Variants in SNCAIP observed in about 807,000 individuals in gnomAD.
SNCAIP encodes the protein synphilin-1.
SNCAIP carries 43 observed loss-of-function variants against 86.7 expected under a neutral mutation model. That is an observed-to-expected ratio of 0.50 (90% confidence interval 0.39 to 0.64). The LOEUF (loss-of-function observed/expected upper bound fraction) is 0.64. Among genes scored for constraint, SNCAIP ranks in the 30% least tolerant of loss-of-function variants. SNCAIP has a pLI of 0.00. For missense variants in SNCAIP, 981 were observed against 1,103.1 expected (o/e 0.89, Z 1.57); for synonymous variants, 417 against 427.2 (o/e 0.98, Z 0.29).
intron 1 of SNCAIP, among the ~76,000 whole-genome samples, chr5:122,335,943 C>T (rs1756355438): frequency 6.6e-6 from 1 of 152,178 alleles, no homozygotes; most frequent in Non-Finnish European, 1.5e-5. Flanking sequence ...TGTAAAAGAA[C>T]CTGGCGATTC....
rs185939911 is a variant in SNCAIP, at chr5:122,345,916, G to C, written c.-47+33632G>C. Reference sequence around the variant, plus strand: ...AACCCTCCTAACTTAACCTCCCAAAGTGTTGGGATTACAGTTGTGAGCCAC... The same window carrying C: ...AACCCTCCTAACTTAACCTCCCAAACTGTTGGGATTACAGTTGTGAGCCAC... On this transcript the variant is annotated intron_variant, in intron 1 of 10. Coordinates refer to ENST00000261368, the MANE Select transcript of SNCAIP (RefSeq NM_005460.4). 5.3e-5 allele frequency among the ~76,000 whole-genome samples: 8 copies of C among 152,070 alleles called. No homozygotes were observed. In the East Asian group the frequency reaches 1.4e-3, roughly 26 times the overall value.
At chr5:122,445,058 G>C (rs1056417090) in intron 8 of SNCAIP, 3 of 381,886 alleles carry the variant, frequency 7.9e-6, no homozygotes, top group Admixed American at 7.6e-5. Context: ...GCACTCATAG[G>C]CATCATCTCC....
chr5:122,353,146 T>C (rs1231845489), intron 1 of SNCAIP, among the ~76,000 whole-genome samples: 1 of 152,120 alleles, frequency 6.6e-6, no homozygotes, highest in African/African-American at 2.4e-5. Flanking sequence ...CCAGAAGGAA[T>C]TAAAAATTAC....
chr5:122,422,800 A>G, intron 3 of SNCAIP, 68 bp from the exon 4 acceptor site: 1 of 1,297,928 alleles, frequency 7.7e-7, no homozygotes, highest in Non-Finnish European at 1.1e-6. Flanking sequence ...AACCACATCT[A>G]CCTGCATAGC....
intron 1 of SNCAIP, among the ~76,000 whole-genome samples, chr5:122,354,156 G>C (rs914097325): frequency 4.6e-5 from 7 of 152,148 alleles, no homozygotes; most frequent in Non-Finnish European, 8.8e-5. Flanking sequence ...TACGTGACCT[G>C]TCTGGACTCA....
At chr5:122,381,430 T>G (rs1766775685) in intron 1 of SNCAIP, among the ~76,000 whole-genome samples, 1 of 146,292 alleles carries the variant, frequency 6.8e-6, no homozygotes, top group Non-Finnish European at 1.5e-5. Context: ...TGAGCCTATG[T>G]GTGTCTCTGC....
intron 5 of SNCAIP, among the ~76,000 whole-genome samples, chr5:122,427,233 A>G (rs909967878): frequency 2.0e-5 from 3 of 152,212 alleles, no homozygotes; most frequent in Non-Finnish European, 2.9e-5. Flanking sequence ...TAGAAGGTAC[A>G]TAAGAAACTT....
rs567512054 is a variant in SNCAIP, at chr5:122,391,152, C to T, written c.18C>T (p.Tyr6=). The change falls in exon 2 of 11, where the codon TAC becomes TAT. Residue 6 remains tyrosine (Y), a synonymous_variant. Coordinates refer to ENST00000261368, the MANE Select transcript of SNCAIP (RefSeq NM_005460.4). The stretch of plus-strand genomic sequence containing the variant: ...GAAGAATAATGGAAGCCCCTGAATA[C>T]CTTGATTTGGATGAAATTGACTTTA... MEAPE[Y]LDLDEIDFSD... is the part of the protein sequence containing the mutation. 2 of 1,610,956 alleles carry T rather than the reference C, an allele frequency of 1.2e-6. No individual in the cohort carries two copies. Among genetic ancestry groups the T allele is most frequent in the South Asian group, 1.1e-5 (1 of 90,998 alleles).
rs1783673913 is a variant in SNCAIP at position 122,451,496 on chromosome 5, A to G, written c.2649A>G (p.Ala883=). 5.0e-6 allele frequency: 8 copies of G among 1,613,922 alleles called. 1 individual carries two copies. The East Asian group carries it at 1.8e-4, about 36-fold the overall frequency. ...AAAACAATAATAATAACTACCAGGC[A>G]GCCAACCAGCTGAAAACCTCTACAT... is the stretch of plus-strand genomic sequence containing the variant. ...GNQNNNNNYQ[A]ANQLKTSTLP... is the part of the protein sequence containing the mutation. The change falls in exon 10 of 11, where the codon GCA becomes GCG. Residue 883 remains alanine (A), a synonymous_variant. Coordinates refer to ENST00000261368, the MANE Select transcript of SNCAIP (RefSeq NM_005460.4).
At chr5:122,364,509 G>A (rs1427027261) in intron 1 of SNCAIP, among the ~76,000 whole-genome samples, 1 of 152,162 alleles carries the variant, frequency 6.6e-6, no homozygotes, top group Non-Finnish European at 1.5e-5. Flanking sequence ...GACATAGATG[G>A]AAGACTTTAA....
intron 8 of SNCAIP, 48 bp downstream of exon 8, chr5:122,444,780 T>C: frequency 1.3e-6 from 2 of 1,500,646 alleles, no homozygotes; most frequent in South Asian, 1.1e-5. Context: ...CTCATTATTG[T>C]TGTACTTAGG....
intron 1 of SNCAIP, among the ~76,000 whole-genome samples, chr5:122,358,218 T>TATAA (rs1554085531): frequency 4.1e-5 from 6 of 148,066 alleles, no homozygotes; most frequent in Non-Finnish European, 8.9e-5. Context: ...TATATATATA[T>TATAA]AAAATACTTT....
intron 6 of SNCAIP, among the ~76,000 whole-genome samples, chr5:122,437,629 G>A (rs1779821643): frequency 6.6e-6 from 1 of 152,200 alleles, no homozygotes; most frequent in African/African-American, 2.4e-5. Context: ...GTTCTGAACA[G>A]TCAAATAATG....
chr5:122,324,079 C>G (rs1753533726), intron 1 of SNCAIP, among the ~76,000 whole-genome samples: 1 of 152,104 alleles, frequency 6.6e-6, no homozygotes, highest in Non-Finnish European at 1.5e-5. Context: ...AGCTCAAAAA[C>G]AGGACTAAGA....
rs919737931 is a variant in SNCAIP at position 122,456,307 on chromosome 5, T to C, written c.2754+4706T>C. Among the ~76,000 whole-genome samples the C allele has an allele frequency of 5.3e-5, 8 of 152,318 alleles. No individual in the cohort carries two copies. In the South Asian group the frequency reaches 1.5e-3, roughly 28 times the overall value. On this transcript the variant is annotated intron_variant, in intron 10 of 10. Transcript: ENST00000261368. Reference sequence around the variant, plus strand: ...AAGAGCTGGTATCAAATATTTTGCATAGATCTTAAGGTTGTTCAGCAGCCA... The same window carrying C: ...AAGAGCTGGTATCAAATATTTTGCACAGATCTTAAGGTTGTTCAGCAGCCA...
intron 1 of SNCAIP, among the ~76,000 whole-genome samples, chr5:122,342,668 A>T (rs1757818974): frequency 1.3e-5 from 2 of 152,202 alleles, no homozygotes; most frequent in South Asian, 4.1e-4. Flanking sequence ...GTTATTCTTC[A>T]GGTAACTGGT....
intron 10 of SNCAIP, among the ~76,000 whole-genome samples, chr5:122,458,414 A>T (rs1785306124): frequency 6.6e-6 from 1 of 152,058 alleles, no homozygotes; most frequent in East Asian, 1.9e-4. Flanking sequence ...CAAAGCACAT[A>T]CATGTTCTAT....
intron 5 of SNCAIP, among the ~76,000 whole-genome samples, chr5:122,429,686 T>C (rs942666342): frequency 2.0e-5 from 3 of 152,106 alleles, no homozygotes; most frequent in Admixed American, 6.6e-5. Context: ...CATGCTCCAA[T>C]TGCGAAATTT....
chr5:122,446,291 G>A (rs1478346305), intron 8 of SNCAIP, among the ~76,000 whole-genome samples: 1 of 152,176 alleles, frequency 6.6e-6, no homozygotes, highest in Non-Finnish European at 1.5e-5. Context: ...CTATACTAAT[G>A]TCCACTCCCT....
Sources: gnomAD v4.1 joint callset for allele counts (sites outside exome capture counted in the v4.1 genomes callset) on GRCh38, gnomAD v4.1.1 for gene constraint, MANE v1.5 for transcripts, NCBI Gene and HGNC (gene_info 2026-07-23, HGNC 2026-07-21) for gene names.